Variants in NREP observed in about 807,000 individuals in gnomAD.
NREP encodes neuronal regeneration-related protein.
A neutral mutation model predicts 8.6 loss-of-function variants in NREP; 5 were observed. That is an observed-to-expected ratio of 0.58 (90% CI 0.30 to 1.22). NREP has a LOEUF of 1.22. NREP is among the 50% of genes most tolerant of loss of function. The pLI, the probability that NREP is intolerant of heterozygous loss-of-function variation, is 0.07. For synonymous variants in NREP, 27 were observed against 28.0 expected, an observed-to-expected ratio of 0.96 and a Z score of 0.11; for missense variants, 86 against 82.5, an observed-to-expected ratio of 1.04 and a Z score of -0.17.
intron 2 of NREP, among the ~76,000 whole-genome samples, chr5:111,861,400 A>G (rs1347773307): frequency 6.6e-6 from 1 of 152,182 alleles, no homozygotes; most frequent in Non-Finnish European, 1.5e-5. Flanking sequence ...GGCAAAGAGA[A>G]GCTGATGCCA....
chr5:111,789,337 C>T (rs1263199080), intron 2 of NREP, among the ~76,000 whole-genome samples: 1 of 152,118 alleles, frequency 6.6e-6, no homozygotes, highest in African/African-American at 2.4e-5. Flanking sequence ...CTCAAACTAC[C>T]ACATTTAATG....
chr5:111,949,359 G>T (rs114440613), intron 2 of NREP, among the ~76,000 whole-genome samples: 1,376 of 122,630 alleles, frequency 0.011, 23 homozygotes, highest in African/African-American at 0.039. Flanking sequence ...AAAAGCCCTA[G>T]GGATTTTTTT....
At chr5:111,882,513 G>C (rs12513992) in intron 2 of NREP, among the ~76,000 whole-genome samples, 64,189 of 151,890 alleles carry the variant, frequency 0.42, 16,781 homozygotes, top group Non-Finnish European at 0.6. Context: ...AGAGCAACTC[G>C]AAGACACATA....
At chr5:111,844,912 T>C (rs946361071) in intron 2 of NREP, among the ~76,000 whole-genome samples, 2 of 151,586 alleles carry the variant, frequency 1.3e-5, no homozygotes, top group Admixed American at 6.6e-5. Flanking sequence ...TATATTTATC[T>C]ATTATTATGT....
chr5:111,832,638 C>A lies in NREP; in HGVS notation c.136-97131G>T, dbSNP rs567162747. On this transcript the variant is annotated intron_variant, in intron 2 of 3. Transcript: ENST00000395634. Reference sequence around the variant, plus strand: ...CAAGCACTTTAAATAACTTCTGTGTCTGTCATTCTCTACCAGATGGTTCTG... The same window carrying A: ...CAAGCACTTTAAATAACTTCTGTGTATGTCATTCTCTACCAGATGGTTCTG... 3.3e-5 allele frequency among the ~76,000 whole-genome samples: 5 copies of A among 152,290 alleles called. No homozygotes were observed. In the East Asian group the frequency reaches 9.6e-4, roughly 29 times the overall value.
intron 2 of NREP, among the ~76,000 whole-genome samples, chr5:111,965,156 A>G (rs562957337): frequency 6.6e-6 from 1 of 152,230 alleles, no homozygotes; most frequent in South Asian, 2.1e-4. Flanking sequence ...CTACACCCGG[A>G]GAGAGAAGAA....
chr5:111,924,637 G>A lies in NREP; in HGVS notation c.135+50637C>T, dbSNP rs192643460. On this transcript the variant is annotated intron_variant, in intron 2 of 3. Transcript: ENST00000395634. The stretch of plus-strand genomic sequence containing the variant: ...ATTGGGTTTCTGCATCCCTAATATT[G>A]GGGTGTTGCAGGGGCTACTGCAGTG... Among the ~76,000 whole-genome samples, 153 of 152,212 alleles carry A rather than the reference G, an allele frequency of 1.0e-3. 1 individual carries two copies. The highest frequency in any genetic ancestry group is 6.8e-3 in the Middle Eastern group (2 of 294).
chr5:111,876,099 A>G (rs1753901817), intron 2 of NREP, among the ~76,000 whole-genome samples: 1 of 152,086 alleles, frequency 6.6e-6, no homozygotes. Flanking sequence ...GAGCTGTACT[A>G]TACTGCCCAT....
chr5:111,803,212 A>G (rs1752054274), intron 2 of NREP, among the ~76,000 whole-genome samples: 1 of 152,314 alleles, frequency 6.6e-6, no homozygotes, highest in South Asian at 2.1e-4. Context: ...TATTTTATAA[A>G]ATAAAATTTG....
At chr5:111,798,676 T>G (rs1176345720) in intron 2 of NREP, among the ~76,000 whole-genome samples, 1 of 152,142 alleles carries the variant, frequency 6.6e-6, no homozygotes, top group Non-Finnish European at 1.5e-5. Flanking sequence ...TTCAATTCCA[T>G]CCAGGTTGCT....
chr5:111,765,607 C>T (rs974307812), intron 2 of NREP, among the ~76,000 whole-genome samples: 3 of 152,222 alleles, frequency 2.0e-5, no homozygotes, highest in African/African-American at 7.2e-5. Flanking sequence ...AGCCGCGGAG[C>T]TGGGATGTGA....
intron 2 of NREP, among the ~76,000 whole-genome samples, chr5:111,736,032 C>T (rs553176263): frequency 2.6e-5 from 4 of 151,378 alleles, no homozygotes; most frequent in Non-Finnish European, 4.4e-5. Flanking sequence ...GAGGGAGGGG[C>T]GGGAGATAGG....
chr5:111,731,058 G>A lies in NREP; in HGVS notation c.82-12C>T. 1 of 1,613,424 alleles carries A rather than the reference G, an allele frequency of 6.2e-7. No individual in the cohort carries two copies. Among genetic ancestry groups the A allele is most frequent in the Non-Finnish European group, 8.5e-7 (1 of 1,179,646 alleles). ...ACAGGAAGTCTTCCCTGCAAAGCAG[G>A]CAGACCCACACACAGACAGACACAC... On this transcript the variant is annotated splice_polypyrimidine_tract_variant and intron_variant, in intron 3 of 3. Coordinates refer to ENST00000257435, the MANE Select transcript of NREP (RefSeq NM_004772.4).
intron 2 of NREP, among the ~76,000 whole-genome samples, chr5:111,868,045 T>C (rs1333745390): frequency 6.6e-6 from 1 of 151,986 alleles, no homozygotes; most frequent in African/African-American, 2.4e-5. Context: ...AAGAAAGTTA[T>C]AAAGGTACTC....
chr5:111,811,347 G>A (rs1393158284), intron 2 of NREP, among the ~76,000 whole-genome samples: 5 of 151,904 alleles, frequency 3.3e-5, no homozygotes, highest in African/African-American at 4.8e-5. Flanking sequence ...CTTCAACCTC[G>A]GCTTGCTAAA....
intron 2 of NREP, among the ~76,000 whole-genome samples, chr5:111,772,393 T>A (rs1397114450): frequency 2.6e-5 from 4 of 152,198 alleles, no homozygotes; most frequent in Admixed American, 2.0e-4. Flanking sequence ...TCACTAAATT[T>A]ATAGAAACAA....
At chr5:111,930,126 T>A (rs1755495718) in intron 2 of NREP, among the ~76,000 whole-genome samples, 1 of 152,176 alleles carries the variant, frequency 6.6e-6, no homozygotes, top group Non-Finnish European at 1.5e-5. Context: ...CAAGAGCAAC[T>A]AGGCCTATGG....
intron 2 of NREP, among the ~76,000 whole-genome samples, chr5:111,812,743 T>A (rs980276373): frequency 1.4e-4 from 22 of 152,180 alleles, no homozygotes; most frequent in African/African-American, 5.3e-4. Flanking sequence ...GTGGTAGTCC[T>A]AATATAGTAA....
intron 2 of NREP, among the ~76,000 whole-genome samples, chr5:111,765,390 T>G (rs1313310146): frequency 6.6e-6 from 1 of 152,170 alleles, no homozygotes; most frequent in African/African-American, 2.4e-5. Context: ...AGACTCCAGG[T>G]CTAAATCATG....
Sources: allele counts gnomAD v4.1 joint callset (sites outside exome capture counted in the v4.1 genomes callset), GRCh38; gene constraint gnomAD v4.1.1; transcripts MANE v1.5; gene names NCBI Gene and HGNC (gene_info 2026-07-23, HGNC 2026-07-21).